The following KLRD1 variants were observed in gnomAD, a reference collection of about 807,000 sequenced individuals.
KLRD1 encodes natural killer cells antigen CD94.
In KLRD1, 21 loss-of-function variants were observed where a neutral mutation model predicts 22.6. The ratio of observed to expected loss-of-function variants is 0.93; its 90% CI spans 0.66 to 1.34. The LOEUF is 1.34. Among genes scored for constraint, KLRD1 ranks in the 40% most tolerant of loss-of-function variants. The probability of loss-of-function intolerance (pLI) is 0.00; values close to 1 mark genes in which losing one functional copy is unlikely to be tolerated. For synonymous variants in KLRD1, 59 were observed against 71.1 expected (o/e 0.83, Z 0.85); for missense variants, 183 against 208.6 (o/e 0.88, Z 0.76).
At chr12:10,266,004 A>G (rs1460021234) in intron 1 of KLRD1, among the ~76,000 whole-genome samples, 2 of 152,148 alleles carry the variant, frequency 1.3e-5, no homozygotes, top group African/African-American at 4.8e-5. Context: ...AAAAAAGATC[A>G]CTGTAAAATG....
At chr12:10,265,812 G>T (rs1007355899) in intron 1 of KLRD1, among the ~76,000 whole-genome samples, 59 of 152,134 alleles carry the variant, frequency 3.9e-4, no homozygotes, top group African/African-American at 1.2e-3. Flanking sequence ...TGATATTTAC[G>T]ACCTTGTGTC....
intron 1 of KLRD1, among the ~76,000 whole-genome samples, chr12:10,260,695 C>T (rs1949444902): frequency 6.6e-6 from 1 of 152,048 alleles, no homozygotes. Context: ...AATCCGAGCA[C>T]TTTGGGAGGC....
intron 1 of KLRD1, among the ~76,000 whole-genome samples, chr12:10,246,544 A>G (rs1212381833): frequency 6.6e-6 from 1 of 152,148 alleles, no homozygotes; most frequent in African/African-American, 2.4e-5. Flanking sequence ...ACTCTTCCAC[A>G]TATCTACAAA....
intron 1 of KLRD1, among the ~76,000 whole-genome samples, chr12:10,250,107 G>C (rs7972553): frequency 2.0e-5 from 3 of 152,018 alleles, no homozygotes; most frequent in African/African-American, 7.3e-5. Flanking sequence ...ATCCTGGTGC[G>C]TTAGGCTGTC....
At position 10,326,726 on chromosome 12, in the gene KLRD1, T is replaced by A. The variant is rs1950365178; in HGVS notation, c.*11933T>A. The A allele has an allele frequency of 6.6e-6, 1 of 152,236 alleles. No homozygotes were observed. The highest frequency in any genetic ancestry group is 1.5e-5 in the Non-Finnish European group (1 of 68,038). The allele number at this position is 152,236 out of a possible 1,614,324, so 9.4% of individuals were successfully genotyped here. On this transcript the variant is annotated 3_prime_UTR_variant, in exon 6 of 6. Coordinates refer to ENST00000336164, the MANE Select transcript of KLRD1 (RefSeq NM_002262.5). ...ATGGTTGCATCTTTTTGTTTCTGAT[T>A]AGCCTTTCCAAAGGAGGCAATCAGA...
chr12:10,260,657 T>G (rs905710193), intron 1 of KLRD1, among the ~76,000 whole-genome samples: 15 of 150,318 alleles, frequency 1.0e-4, no homozygotes, highest in African/African-American at 3.4e-4. Flanking sequence ...AAAAAAAAAT[T>G]GGGCTGGGCG....
intron 1 of KLRD1, among the ~76,000 whole-genome samples, chr12:10,274,553 T>A (rs1162231171): frequency 6.6e-6 from 1 of 152,184 alleles, no homozygotes; most frequent in African/African-American, 2.4e-5. Flanking sequence ...TAAATTGTGC[T>A]ACCTGGAGGC....
At chr12:10,291,468 T>G (rs1407142183) in intron 1 of KLRD1, among the ~76,000 whole-genome samples, 1 of 152,196 alleles carries the variant, frequency 6.6e-6, no homozygotes, top group Non-Finnish European at 1.5e-5. Flanking sequence ...TGTAATATTC[T>G]AAATTCTTTG....
At chr12:10,278,944 T>C (rs1365610107) in intron 1 of KLRD1, among the ~76,000 whole-genome samples, 1 of 151,144 alleles carries the variant, frequency 6.6e-6, no homozygotes, top group African/African-American at 2.5e-5. Context: ...CATTGTGTTT[T>C]ACAATTCTTT....
intron 1 of KLRD1, among the ~76,000 whole-genome samples, chr12:10,267,824 C>G (rs926978625): frequency 6.6e-6 from 1 of 152,152 alleles, no homozygotes; most frequent in African/African-American, 2.4e-5. Context: ...GTCATTCTTA[C>G]AGTTATCCTT....
chr12:10,260,638 T>G (rs1949444089), intron 1 of KLRD1, among the ~76,000 whole-genome samples: 1 of 33,438 alleles, frequency 3.0e-5, no homozygotes, highest in Non-Finnish European at 6.8e-5. Flanking sequence ...CCGTCTCTAC[T>G]AAAAATACAA....
At position 10,315,627 on chromosome 12, in the gene KLRD1, TTAAAA is replaced by T. The variant is rs1950206218; in HGVS notation, c.*838_*842del. ...ATAATATATTTTTTAATTAAAAAATTTAAAATAATACAGGCAAGCATGTAATGATT... is the reference window on the plus strand; with the variant it reads ...ATAATATATTTTTTAATTAAAAAATTTAATACAGGCAAGCATGTAATGATT... On this transcript the variant is annotated 3_prime_UTR_variant, in exon 6 of 6. Coordinates refer to ENST00000336164, the MANE Select transcript of KLRD1 (RefSeq NM_002262.5). The T allele has an allele frequency of 6.5e-6, 1 of 152,824 alleles. No homozygotes were observed. Among genetic ancestry groups the T allele is most frequent in the African/African-American group, 2.4e-5 (1 of 41,442 alleles). 9.5% of individuals were successfully genotyped at this position (152,824 alleles called of 1,614,324 possible). A position where few individuals can be genotyped will look rare whatever the true frequency, so the allele number is the denominator to read the frequency against.
upstream of KLRD1, among the ~76,000 whole-genome samples, chr12:10,300,413 A>G (rs1264228793): frequency 6.6e-6 from 1 of 152,216 alleles, no homozygotes; most frequent in African/African-American, 2.4e-5. Context: ...TGCATTGTCA[A>G]TGAGCAGTAA....
chr12:10,263,558 C>T (rs368939076), intron 1 of KLRD1, among the ~76,000 whole-genome samples: 2 of 152,128 alleles, frequency 1.3e-5, no homozygotes, highest in South Asian at 4.1e-4. Flanking sequence ...GGAGACTTGA[C>T]ATGAATTGTA....
intron 1 of KLRD1, among the ~76,000 whole-genome samples, chr12:10,261,625 G>A (rs933957711): frequency 6.6e-6 from 1 of 152,090 alleles, no homozygotes; most frequent in Non-Finnish European, 1.5e-5. Context: ...CTTACAATTT[G>A]ATTCATTATG....
At chr12:10,287,703 C>T (rs931805001) in intron 1 of KLRD1, among the ~76,000 whole-genome samples, 5 of 152,086 alleles carry the variant, frequency 3.3e-5, no homozygotes, top group African/African-American at 1.2e-4. Context: ...CTTTAAAAAC[C>T]ACCCCTAGGT....
In KLRD1 at chr12:10,251,815, A is replaced by T. The variant is rs118172904; in HGVS notation, c.-101+25582A>T. On this transcript the variant is annotated intron_variant, in intron 1 of 5. Transcript: ENST00000544747. ...ACAACAGGGTTTGTGCTCCTATGAG[A>T]ATCAAATGCCTCTGCGGACCTGACA... Among the ~76,000 whole-genome samples, 20 of 152,166 alleles carry T rather than the reference A, an allele frequency of 1.3e-4. No homozygotes were observed. In the East Asian group the frequency reaches 3.9e-3, roughly 29 times the overall value.
chr12:10,263,923 G>A (rs916387770), intron 1 of KLRD1, among the ~76,000 whole-genome samples: 1 of 151,956 alleles, frequency 6.6e-6, no homozygotes, highest in African/African-American at 2.4e-5. Context: ...GGGTTATTCC[G>A]TATTTTAAAT....
intron 1 of KLRD1, among the ~76,000 whole-genome samples, chr12:10,256,487 T>G (rs564780195): frequency 8.6e-5 from 13 of 150,424 alleles, no homozygotes; most frequent in Middle Eastern, 3.4e-3. Context: ...TTTGTGTATA[T>G]TCTATAATTT....
Sources: allele counts gnomAD v4.1 joint callset (sites outside exome capture counted in the v4.1 genomes callset), GRCh38; gene constraint gnomAD v4.1.1; transcripts MANE v1.5; gene names NCBI Gene and HGNC (gene_info 2026-07-23, HGNC 2026-07-21).